Variants in RCAN2 observed in about 807,000 individuals in gnomAD.
RCAN2 encodes calcipressin-2.
RCAN2 carries 9 observed loss-of-function variants against 23.6 expected under a neutral mutation model. The observed-to-expected ratio is 0.38, with a 90% CI of 0.23 to 0.67. The LOEUF is 0.67. Among genes scored for constraint, RCAN2 ranks in the 30% least tolerant of loss-of-function variants. The pLI, the probability that RCAN2 is intolerant of heterozygous loss-of-function variation, is 0.51. For synonymous variants in RCAN2, 109 were observed against 115.7 expected (o/e 0.94, Z 0.37); for missense variants, 273 against 302.3 (o/e 0.90, Z 0.72).
chr6:46,416,194 T>C (rs1158699581), intron 2 of RCAN2, among the ~76,000 whole-genome samples: 1 of 151,926 alleles, frequency 6.6e-6, no homozygotes, highest in Non-Finnish European at 1.5e-5. Flanking sequence ...GAATAAAGAA[T>C]AAATCGATTA....
intron 2 of RCAN2, among the ~76,000 whole-genome samples, chr6:46,259,501 T>C (rs1431776082): frequency 2.0e-5 from 3 of 152,208 alleles, no homozygotes; most frequent in African/African-American, 4.8e-5. Context: ...CACTGTACTG[T>C]ACAGAAAGAA....
chr6:46,480,709 T>G (rs2150446876), intron 1 of RCAN2, among the ~76,000 whole-genome samples: 1 of 152,132 alleles, frequency 6.6e-6, no homozygotes, highest in East Asian at 1.9e-4. Flanking sequence ...CACTGCAAGC[T>G]CTGCCTCCTG....
chr6:46,247,025 G>A (rs773934406), intron 3 of RCAN2, 106 bp from the exon 4 acceptor site: 12 of 886,664 alleles, frequency 1.4e-5, no homozygotes, highest in South Asian at 3.8e-5. Flanking sequence ...CAAATGAACC[G>A]ATGAACCCGA....
intron 2 of RCAN2, among the ~76,000 whole-genome samples, chr6:46,281,901 A>G (rs561984858): frequency 6.6e-6 from 1 of 152,280 alleles, no homozygotes; most frequent in South Asian, 2.1e-4. Flanking sequence ...CACACAGTTA[A>G]TAAGTAGCAG....
intron 1 of RCAN2, among the ~76,000 whole-genome samples, chr6:46,467,848 A>G (rs1481615235): frequency 6.6e-6 from 1 of 152,224 alleles, no homozygotes; most frequent in Non-Finnish European, 1.5e-5. Flanking sequence ...TCCACAGTGA[A>G]AAAATGCAAG....
intron 4 of RCAN2, among the ~76,000 whole-genome samples, chr6:46,231,464 C>T (rs967725000): frequency 6.6e-6 from 1 of 150,800 alleles, no homozygotes; most frequent in African/African-American, 2.4e-5. Flanking sequence ...GGCTGGAGTG[C>T]AGTGGTGTGA....
chr6:46,491,515 T>A (rs2150453670), upstream of RCAN2, among the ~76,000 whole-genome samples: 1 of 151,994 alleles, frequency 6.6e-6, no homozygotes, highest in African/African-American at 2.4e-5. Context: ...CAGCTCCGAC[T>A]CATCGGGCCA....
At chr6:46,268,744 G>A (rs1249579289) in intron 2 of RCAN2, among the ~76,000 whole-genome samples, 1 of 152,156 alleles carries the variant, frequency 6.6e-6, no homozygotes, top group East Asian at 1.9e-4. Context: ...AGACAAGTGA[G>A]ATCCTGGCCT....
chr6:46,364,514 C>T (rs1198228350), intron 2 of RCAN2, among the ~76,000 whole-genome samples: 1 of 152,180 alleles, frequency 6.6e-6, no homozygotes, highest in Non-Finnish European at 1.5e-5. Context: ...GAGTAACCCA[C>T]ACTCCACAGA....
intron 2 of RCAN2, among the ~76,000 whole-genome samples, chr6:46,251,955 C>T (rs906768825): frequency 6.6e-6 from 1 of 152,144 alleles, no homozygotes; most frequent in Non-Finnish European, 1.5e-5. Flanking sequence ...AGGTTTTTCA[C>T]TGGATCATAT....
chr6:46,246,671 C>A, intron 4 of RCAN2, 77 bp downstream of exon 4: 1 of 1,251,722 alleles, frequency 8.0e-7, no homozygotes, highest in Non-Finnish European at 1.1e-6. Context: ...AACCCAGGAT[C>A]TCAAGGTTGT....
chr6:46,387,379 C>G (rs1427289406), intron 2 of RCAN2, among the ~76,000 whole-genome samples: 4 of 152,148 alleles, frequency 2.6e-5, no homozygotes, highest in Non-Finnish European at 4.4e-5. Context: ...TATCCAGAAT[C>G]TACAAAGAAC....
At chr6:46,435,887 A>C (rs1262023156) in intron 2 of RCAN2, among the ~76,000 whole-genome samples, 1 of 152,232 alleles carries the variant, frequency 6.6e-6, no homozygotes, top group Non-Finnish European at 1.5e-5. Context: ...TTGTAACTAT[A>C]CATCAAACAT....
intron 2 of RCAN2, among the ~76,000 whole-genome samples, chr6:46,302,753 T>G (rs193295989): frequency 6.6e-6 from 1 of 152,076 alleles, no homozygotes; most frequent in Non-Finnish European, 1.5e-5. Flanking sequence ...GTATACTTCA[T>G]TGAATATTGG....
chr6:46,231,617 T>A (rs148194307), intron 4 of RCAN2, among the ~76,000 whole-genome samples: 3,097 of 151,910 alleles, frequency 0.02, 41 homozygotes, highest in South Asian at 0.061. Context: ...ACCATGTTGG[T>A]CAGGCTGGTC....
chr6:46,387,924 TA>T (rs1444232282), intron 2 of RCAN2, among the ~76,000 whole-genome samples: 1 of 152,062 alleles, frequency 6.6e-6, no homozygotes, highest in Non-Finnish European at 1.5e-5. Flanking sequence ...TATGCAGCCA[TA>T]AAAAAGGATG....
At chr6:46,228,880 T>C (rs1353642477) in intron 4 of RCAN2, among the ~76,000 whole-genome samples, 4 of 152,226 alleles carry the variant, frequency 2.6e-5, no homozygotes, top group Non-Finnish European at 5.9e-5. Context: ...GTCTTTACAG[T>C]TTGGCATGTT....
At chr6:46,285,512 G>A (rs570233170) in intron 2 of RCAN2, among the ~76,000 whole-genome samples, 14 of 152,338 alleles carry the variant, frequency 9.2e-5, no homozygotes, top group Admixed American at 8.5e-4. Flanking sequence ...AGGCCCAGAT[G>A]CAGGTGATAC....
At chr6:46,375,406 G>C (rs1432240470) in intron 2 of RCAN2, among the ~76,000 whole-genome samples, 2 of 152,092 alleles carry the variant, frequency 1.3e-5, no homozygotes, top group African/African-American at 4.8e-5. Flanking sequence ...TCTCCTCCCA[G>C]ACACAGATAT....
Sources: allele counts gnomAD v4.1 joint callset (sites outside exome capture counted in the v4.1 genomes callset), GRCh38; gene constraint gnomAD v4.1.1; transcripts MANE v1.5; gene names NCBI Gene and HGNC (gene_info 2026-07-23, HGNC 2026-07-21).